NTM: variants seen among roughly 807,000 people sequenced by gnomAD.
The protein encoded by NTM is neurotrimin.
Under a neutral mutation model 42.1 loss-of-function variants are expected in NTM, and 13 were observed. The ratio of observed to expected loss-of-function variants is 0.31; its 90% CI spans 0.20 to 0.49. NTM has a LOEUF of 0.49. Ranked by LOEUF, NTM falls within the 20% of genes least tolerant of loss-of-function variation. The pLI is 0.99. For synonymous variants in NTM, 187 were observed against 179.2 expected (o/e 1.04, Z -0.35); for missense variants, 373 against 452.8 (o/e 0.82, Z 1.60).
chr11:132,129,489 C>G (rs538474843), intron 2 of NTM, among the ~76,000 whole-genome samples: 2 of 152,132 alleles, frequency 1.3e-5, no homozygotes, highest in African/African-American at 2.4e-5. Flanking sequence ...TTAGGCCCTG[C>G]ATTCCCATTC....
chr11:131,893,001 T>G (rs530303558), intron 1 of NTM, among the ~76,000 whole-genome samples: 1 of 152,176 alleles, frequency 6.6e-6, no homozygotes, highest in Non-Finnish European at 1.5e-5. Context: ...ACTTTGGACT[T>G]TGAGCTCTTG....
At chr11:131,512,622 C>T (rs1023001405) in intron 1 of NTM, among the ~76,000 whole-genome samples, 1 of 152,234 alleles carries the variant, frequency 6.6e-6, no homozygotes, top group Non-Finnish European at 1.5e-5. Context: ...ACAGCAGACT[C>T]AGCCCAGTTC....
intron 1 of NTM, among the ~76,000 whole-genome samples, chr11:131,890,137 CCT>C (rs1161931332): frequency 1.0e-4 from 11 of 108,388 alleles, no homozygotes; most frequent in East Asian, 3.1e-4. Flanking sequence ...CCTCTCTCTC[CCT>C]CTCTCTCTCT....
intron 1 of NTM, among the ~76,000 whole-genome samples, chr11:131,834,613 T>C (rs1592170824): frequency 9.4e-6 from 1 of 105,834 alleles, no homozygotes; most frequent in Non-Finnish European, 1.9e-5. Context: ...TGTGTGTATA[T>C]ATATACATAT....
At position 131,717,747 on chromosome 11, in the gene NTM, A is replaced by G. The variant is rs145955755; in HGVS notation, c.83-193817A>G. Among the ~76,000 whole-genome samples the G allele has an allele frequency of 2.4e-4, 37 of 152,266 alleles. No individual in the cohort carries two copies. The Middle Eastern group carries it at 0.01, about 42-fold the overall frequency. ...TTGTATTAGCTAGATTCTCCAGTAC[A>G]ATGTTGAATAGAACTCATGTGAATG... On this transcript the variant is annotated intron_variant, in intron 1 of 8. Transcript: ENST00000683400.
intron 1 of NTM, among the ~76,000 whole-genome samples, chr11:131,687,727 T>A (rs965200550): frequency 6.6e-6 from 1 of 151,692 alleles, no homozygotes; most frequent in Non-Finnish European, 1.5e-5. Flanking sequence ...TCCACAGGAG[T>A]GCCACTGGGA....
At chr11:131,630,620 A>C (rs372454524) in intron 1 of NTM, among the ~76,000 whole-genome samples, 6 of 152,156 alleles carry the variant, frequency 3.9e-5, no homozygotes, top group African/African-American at 1.4e-4. Flanking sequence ...GTCAGAGGAC[A>C]AGTCAAAAGT....
intron 1 of NTM, among the ~76,000 whole-genome samples, chr11:131,380,967 C>T (rs1384276695): frequency 2.6e-5 from 4 of 152,052 alleles, no homozygotes; most frequent in African/African-American, 4.8e-5. Context: ...TCTTTTTTCC[C>T]GTATATTAGT....
chr11:131,769,590 A>G (rs1211576583), intron 1 of NTM: 1 of 983,684 alleles, frequency 1.0e-6, no homozygotes, highest in African/African-American at 1.7e-5. Context: ...AGACATTTGG[A>G]TAATGCTGTC....
intron 1 of NTM, among the ~76,000 whole-genome samples, chr11:131,762,233 T>G (rs2084329176): frequency 6.6e-6 from 1 of 152,232 alleles, no homozygotes; most frequent in South Asian, 2.1e-4. Context: ...GGTTCCCATG[T>G]GGCTCAATAG....
intron 2 of NTM, among the ~76,000 whole-genome samples, chr11:132,073,827 T>C (rs2058016467): frequency 6.6e-6 from 1 of 152,308 alleles, no homozygotes; most frequent in African/African-American, 2.4e-5. Context: ...TTTGACTCTT[T>C]AGTTCTATCC....
chr11:132,047,330 C>A (rs2078160785), intron 2 of NTM, among the ~76,000 whole-genome samples: 1 of 152,010 alleles, frequency 6.6e-6, no homozygotes, highest in South Asian at 2.1e-4. Context: ...TCTGAATATC[C>A]CTTATGAATA....
At chr11:131,388,710 T>C (rs1190636186) in intron 1 of NTM, among the ~76,000 whole-genome samples, 1 of 151,854 alleles carries the variant, frequency 6.6e-6, no homozygotes, top group East Asian at 1.9e-4. Context: ...GAAGAGAATA[T>C]AGGGAGAAAG....
intron 4 of NTM, among the ~76,000 whole-genome samples, chr11:132,289,777 G>A (rs964827163): frequency 1.3e-5 from 2 of 152,212 alleles, no homozygotes; most frequent in Non-Finnish European, 2.9e-5. Flanking sequence ...CACCACTGCT[G>A]CAAGACTGCA....
At chr11:132,181,637 G>T (rs2077583583) in intron 3 of NTM, among the ~76,000 whole-genome samples, 1 of 152,148 alleles carries the variant, frequency 6.6e-6, no homozygotes, top group Non-Finnish European at 1.5e-5. Context: ...TCAATACATA[G>T]AAAAATTACA....
At chr11:132,214,162 G>A (rs2083391765) in intron 4 of NTM, among the ~76,000 whole-genome samples, 1 of 152,210 alleles carries the variant, frequency 6.6e-6, no homozygotes, top group Non-Finnish European at 1.5e-5. Flanking sequence ...AGCTTCAGCT[G>A]TGCATGAGAT....
At chr11:132,316,704 T>C (rs2136199670) in intron 7 of NTM, among the ~76,000 whole-genome samples, 1 of 152,302 alleles carries the variant, frequency 6.6e-6, no homozygotes, top group Admixed American at 6.5e-5. Flanking sequence ...TCACTAGCAA[T>C]GCTGCCTGGG....
intron 2 of NTM, among the ~76,000 whole-genome samples, chr11:132,058,610 T>C (rs2080111196): frequency 6.6e-6 from 1 of 152,174 alleles, no homozygotes; most frequent in African/African-American, 2.4e-5. Flanking sequence ...TTATTCAAGT[T>C]CCTATTCTTA....
At chr11:131,793,588 T>C (rs1414018826) in intron 1 of NTM, among the ~76,000 whole-genome samples, 4 of 152,258 alleles carry the variant, frequency 2.6e-5, no homozygotes, top group African/African-American at 7.2e-5. Context: ...GTCAGTCTGA[T>C]TCCAAGAAAG....
Sources: allele counts gnomAD v4.1 joint callset (sites outside exome capture counted in the v4.1 genomes callset), GRCh38; gene constraint gnomAD v4.1.1; transcripts MANE v1.5; gene names NCBI Gene and HGNC (gene_info 2026-07-23, HGNC 2026-07-21).